Variants in SLC5A1 observed in about 807,000 individuals in gnomAD.
SLC5A1 encodes sodium/glucose cotransporter 1.
Under a neutral mutation model 73.5 loss-of-function variants are expected in SLC5A1, and 42 were observed. The observed-to-expected ratio is 0.57, with a 90% CI of 0.45 to 0.74. SLC5A1 has a LOEUF of 0.74. Among genes scored for constraint, SLC5A1 ranks in the 30% least tolerant of loss-of-function variants. The probability of loss-of-function intolerance (pLI) is 0.00; values close to 1 mark genes in which losing one functional copy is unlikely to be tolerated. For missense variants in SLC5A1, 634 were observed against 855.4 expected (o/e 0.74, Z 3.23); for synonymous variants, 300 against 317.4 (o/e 0.95, Z 0.58).
At chr22:32,078,953 C>CAAA (rs2093995168) in intron 5 of SLC5A1, among the ~76,000 whole-genome samples, 2 of 35,632 alleles carry the variant, frequency 5.6e-5, no homozygotes, top group Non-Finnish European at 4.9e-5. Context: ...GACTCTGTCT[C>CAAA]CAAAAAAAAA....
intron 2 of SLC5A1, among the ~76,000 whole-genome samples, chr22:32,061,063 A>G (rs1432206437): frequency 6.6e-6 from 1 of 152,214 alleles, no homozygotes; most frequent in Non-Finnish European, 1.5e-5. Context: ...GTCATTAAAT[A>G]GAGTAACACC....
At position 32,084,493 on chromosome 22, in the gene SLC5A1, T is replaced by C; in HGVS notation, c.719T>C (p.Ile240Thr). ...DAFMEKYMKA[I>T]PTIVSDGNTT... ...TTCATGGAAAAGTACATGAAAGCCA[T>C]TCCAACCATAGTGTCTGATGGCAAC... is the stretch of plus-strand genomic sequence containing the variant. The change falls in exon 8 of 15, where the codon ATT (isoleucine) becomes ACT (threonine). Residue 240 changes from isoleucine to threonine, a missense_variant. Ile to Thr is a moderately conservative substitution (Grantham distance 89, BLOSUM62 -1). Around this residue, in one of 3 missense-constraint regions of SLC5A1, gnomAD observed 422 missense variants for 626.1 expected, o/e 0.67. Coordinates refer to ENST00000266088, the MANE Select transcript of SLC5A1 (RefSeq NM_000343.4). 6.2e-7 allele frequency: 1 copy of C among 1,614,234 alleles called. No individual in the cohort carries two copies. Among genetic ancestry groups the C allele is most frequent in the African/African-American group, 1.3e-5 (1 of 75,072 alleles).
At chr22:32,076,886 C>T (rs376353912) in intron 5 of SLC5A1, among the ~76,000 whole-genome samples, 1 of 152,194 alleles carries the variant, frequency 6.6e-6, no homozygotes, top group South Asian at 2.1e-4. Context: ...CCATGGACAT[C>T]GTTCAGCCAA....
intron 5 of SLC5A1, among the ~76,000 whole-genome samples, chr22:32,074,886 G>C (rs966335081): frequency 2.0e-5 from 3 of 151,848 alleles, no homozygotes; most frequent in African/African-American, 7.3e-5. Flanking sequence ...CATGGGTAGG[G>C]ATTTCTATTA....
chr22:32,081,257 G>A (rs906360739), intron 5 of SLC5A1, among the ~76,000 whole-genome samples: 3 of 152,162 alleles, frequency 2.0e-5, no homozygotes, highest in Non-Finnish European at 4.4e-5. Context: ...GAAATTACAT[G>A]AAATAATCTA....
chr22:32,062,465 A>G (rs2093964807), intron 2 of SLC5A1, among the ~76,000 whole-genome samples: 1 of 152,210 alleles, frequency 6.6e-6, no homozygotes, highest in African/African-American at 2.4e-5. Context: ...GGGTTTGGTC[A>G]GACTCAGTTC....
rs767459349 is a variant in SLC5A1, at chr22:32,099,306, G to C, written c.1404G>C (p.Ala468=). The C allele has an allele frequency of 1.2e-6, 2 of 1,613,354 alleles. No individual in the cohort carries two copies. The highest frequency in any genetic ancestry group is 2.7e-5 in the African/African-American group (2 of 74,928). ...SITSYLGPPI[A]AVFLLAIFWK... is the part of the protein sequence containing the mutation. The stretch of plus-strand genomic sequence containing the variant: ...CCAGTTACTTGGGACCACCCATTGC[G>C]GCTGTCTTCCTGCTTGCTATTTTCT... Residue 468 remains alanine, a synonymous_variant, in exon 12 of 15, where the codon GCG becomes GCC. Coordinates refer to ENST00000266088, the MANE Select transcript of SLC5A1 (RefSeq NM_000343.4).
chr22:32,097,548 GGT>G (rs1472173115), intron 11 of SLC5A1, among the ~76,000 whole-genome samples: 4 of 152,150 alleles, frequency 2.6e-5, no homozygotes, highest in Non-Finnish European at 4.4e-5. Context: ...CAGGAGGAGA[GGT>G]AGAAATACCT....
chr22:32,049,873 G>A, intron 1 of SLC5A1, 70 bp from the exon 2 acceptor site: 1 of 1,182,888 alleles, frequency 8.5e-7, no homozygotes, highest in African/African-American at 1.5e-5. Flanking sequence ...CGAATGGGGA[G>A]GTATGTCCTT....
intron 14 of SLC5A1, among the ~76,000 whole-genome samples, chr22:32,109,028 C>T (rs1382218739): frequency 6.6e-6 from 1 of 152,040 alleles, no homozygotes; most frequent in African/African-American, 2.4e-5. Flanking sequence ...TTTAACTGGA[C>T]ATGGTGGCAT....
At chr22:32,068,115 T>G (rs925616424) in intron 4 of SLC5A1, 89 bp downstream of exon 4, 16 of 1,266,794 alleles carry the variant, frequency 1.3e-5, no homozygotes, top group Non-Finnish European at 1.7e-5. Flanking sequence ...CATTATGGGA[T>G]AAATGGCAGA....
chr22:32,054,125 A>G (rs970219651), intron 2 of SLC5A1, among the ~76,000 whole-genome samples: 6 of 152,196 alleles, frequency 3.9e-5, no homozygotes, highest in Non-Finnish European at 7.3e-5. Context: ...GTGAGCTGAG[A>G]TCGCACCATT....
chr22:32,053,993 T>C (rs1224102279), intron 2 of SLC5A1, among the ~76,000 whole-genome samples: 4 of 152,092 alleles, frequency 2.6e-5, no homozygotes, highest in African/African-American at 9.7e-5. Flanking sequence ...GCCAACATGA[T>C]GAAACCCCGT....
intron 4 of SLC5A1, 94 bp downstream of exon 4, chr22:32,068,120 G>A (rs1470331308): frequency 8.8e-6 from 11 of 1,247,764 alleles, no homozygotes; most frequent in East Asian, 2.3e-5. Flanking sequence ...TGGGATAAAT[G>A]GCAGAAAAAT....
chr22:32,112,308 A>G lies in SLC5A1; in HGVS notation c.*2095A>G, dbSNP rs2094058655. On this transcript the variant is annotated 3_prime_UTR_variant, in exon 15 of 15. Transcript: ENST00000266088. Reference sequence around the variant, plus strand: ...GGACATTCTGCAGCAGGGAGGAGGGACTGTCAACCCCTACACCATGACCAC... The same window carrying G: ...GGACATTCTGCAGCAGGGAGGAGGGGCTGTCAACCCCTACACCATGACCAC... The G allele has an allele frequency of 6.6e-6, 1 of 152,078 alleles. No individual in the cohort carries two copies. Among genetic ancestry groups the G allele is most frequent in the Non-Finnish European group, 1.5e-5 (1 of 68,034 alleles). 9.4% of individuals were successfully genotyped at this position (152,078 alleles called of 1,614,324 possible).
intron 3 of SLC5A1, 87 bp downstream of exon 3, chr22:32,067,126 A>T (rs2093974799): frequency 1.8e-6 from 2 of 1,125,982 alleles, no homozygotes; most frequent in African/African-American, 3.1e-5. Flanking sequence ...GGAGCTGAAG[A>T]TGTTAGGGAA....
intron 11 of SLC5A1, among the ~76,000 whole-genome samples, chr22:32,092,970 A>AT (rs754626210): frequency 3.3e-5 from 5 of 152,084 alleles, no homozygotes; most frequent in Non-Finnish European, 7.4e-5. Context: ...TCTCAAGTTG[A>AT]TTTTTGTATA....
chr22:32,099,204 T>G lies in SLC5A1; in HGVS notation c.1302T>G (p.Ile434Met), dbSNP rs778646867. Residue 434 changes from isoleucine to methionine, a missense_variant, in exon 12 of 15, where the codon ATT becomes ATG. This residue lies in a region of SLC5A1 where 422 missense variants were observed against 626.1 expected (regional missense o/e 0.67). Coordinates refer to ENST00000266088, the MANE Select transcript of SLC5A1 (RefSeq NM_000343.4). The part of the protein sequence containing the change: ...IAGRLFILVL[I>M]GISIAWVPIV... Reference sequence around the variant, plus strand: ...TCAGGTTGTTTATCCTGGTGCTGATTGGCATCAGCATCGCCTGGGTGCCCA... The same window carrying G: ...TCAGGTTGTTTATCCTGGTGCTGATGGGCATCAGCATCGCCTGGGTGCCCA... 1 of 1,610,610 alleles carries G rather than the reference T, an allele frequency of 6.2e-7. No homozygotes were observed. Among genetic ancestry groups the G allele is most frequent in the South Asian group, 1.1e-5 (1 of 90,982 alleles).
intron 14 of SLC5A1, among the ~76,000 whole-genome samples, chr22:32,108,260 CCTG>C (rs1488632372): frequency 1.6e-4 from 24 of 152,146 alleles, no homozygotes; most frequent in Admixed American, 1.6e-3. Flanking sequence ...GCCACCATGC[CCTG>C]CTAATTTTTT....
Sources: gnomAD v4.1 joint callset for allele counts (sites outside exome capture counted in the v4.1 genomes callset) on GRCh38, gnomAD v4.1.1 for gene constraint, gnomAD v4.1.1 regional missense constraint, MANE v1.5 for transcripts, NCBI Gene and HGNC (gene_info 2026-07-23, HGNC 2026-07-21) for gene names.